ERBB4: variants seen among roughly 807,000 people sequenced by gnomAD.
The protein encoded by ERBB4 is receptor tyrosine-protein kinase erbB-4.
ERBB4 carries 42 observed loss-of-function variants against 158.0 expected under a neutral mutation model. That is an observed-to-expected ratio of 0.27 (90% CI 0.21 to 0.34). ERBB4 has a LOEUF of 0.34. ERBB4 is among the 10% of genes least tolerant of loss of function. The pLI is 1.00. For missense variants in ERBB4, 1,333 were observed against 1,624.1 expected, an observed-to-expected ratio of 0.82 and a Z score of 3.08; for synonymous variants, 583 against 558.7, an observed-to-expected ratio of 1.04 and a Z score of -0.61.
intron 12 of ERBB4, among the ~76,000 whole-genome samples, chr2:211,683,201 A>AAG (rs1400805537): frequency 1.3e-5 from 2 of 152,014 alleles, no homozygotes; most frequent in East Asian, 3.8e-4. Context: ...TTTATCTCAT[A>AAG]AGATCTTAAA....
intron 16 of ERBB4, among the ~76,000 whole-genome samples, chr2:211,642,059 T>C (rs575107590): frequency 5.3e-5 from 8 of 152,244 alleles, no homozygotes; most frequent in Non-Finnish European, 1.2e-4. Flanking sequence ...ATGCAATTCT[T>C]CCACTTGATG....
intron 20 of ERBB4, among the ~76,000 whole-genome samples, chr2:211,452,688 T>C (rs1379994043): frequency 6.6e-6 from 1 of 152,164 alleles, no homozygotes; most frequent in Non-Finnish European, 1.5e-5. Context: ...TATATAAATA[T>C]TACCAGATAA....
In ERBB4 at chr2:212,148,123, C is replaced by A. The variant is rs116079203; in HGVS notation, c.83-23220G>T. On this transcript the variant is annotated intron_variant, in intron 1 of 27. Coordinates refer to ENST00000342788, the MANE Select transcript of ERBB4 (RefSeq NM_005235.3). Reference sequence around the variant, plus strand: ...TATTCCATTCATCACCAGGGGGCAGCACAATTCCCAAAGAGTATTTTCTTT... The same window carrying A: ...TATTCCATTCATCACCAGGGGGCAGAACAATTCCCAAAGAGTATTTTCTTT... 3.6e-3 allele frequency among the ~76,000 whole-genome samples: 547 copies of A among 151,490 alleles called. 5 individuals carry two copies. Among genetic ancestry groups the A allele is most frequent in the Admixed American group, 0.014 (220 of 15,200 alleles).
chr2:212,406,858 TC>T (rs1201704582), intron 1 of ERBB4, among the ~76,000 whole-genome samples: 1 of 152,080 alleles, frequency 6.6e-6, no homozygotes, highest in African/African-American at 2.4e-5. Context: ...GTGACTCTCC[TC>T]TTCCTCTCCA....
chr2:211,639,548 C>A lies in ERBB4; in HGVS notation c.1947-8954G>T, dbSNP rs534224976. Among the ~76,000 whole-genome samples the A allele has an allele frequency of 1.6e-4, 24 of 152,316 alleles. No individual in the cohort carries two copies. The South Asian group carries it at 5.0e-3, about 32-fold the overall frequency. ...TAAAAAGTTTTCTTCGCCTTAAAATCTCCATTCATTCTATGCACTATAATT... is the reference window on the plus strand; with the variant it reads ...TAAAAAGTTTTCTTCGCCTTAAAATATCCATTCATTCTATGCACTATAATT... On this transcript the variant is annotated intron_variant, in intron 16 of 27. Transcript: ENST00000342788.
chr2:212,506,043 G>T (rs1221982977), intron 1 of ERBB4, among the ~76,000 whole-genome samples: 1 of 148,722 alleles, frequency 6.7e-6, no homozygotes, highest in Admixed American at 6.7e-5. Flanking sequence ...TGTTAATTCT[G>T]CATCTCTGGA....
At chr2:211,404,077 TA>T (rs1559133972) in intron 25 of ERBB4, among the ~76,000 whole-genome samples, 12 of 152,094 alleles carry the variant, frequency 7.9e-5, no homozygotes, top group Non-Finnish European at 1.6e-4. Context: ...GAAAAAGAAA[TA>T]AGTTACTTAT....
At chr2:212,382,502 GGTT>G (rs1233789837) in intron 1 of ERBB4, among the ~76,000 whole-genome samples, 8 of 150,374 alleles carry the variant, frequency 5.3e-5, no homozygotes. Context: ...TATAAGTTCA[GGTT>G]GTTTGTAAAT....
intron 1 of ERBB4, among the ~76,000 whole-genome samples, chr2:212,513,830 T>G (rs555790082): frequency 7.0e-4 from 106 of 152,066 alleles, no homozygotes; most frequent in African/African-American, 2.4e-3. Context: ...AATAAATAAA[T>G]AAATAAAAAG....
At chr2:211,524,702 A>C (rs1316124752) in intron 20 of ERBB4, among the ~76,000 whole-genome samples, 2 of 139,772 alleles carry the variant, frequency 1.4e-5, no homozygotes, top group South Asian at 2.2e-4. Flanking sequence ...GCCCACCCGG[A>C]ACTCCAGCTG....
intron 3 of ERBB4, among the ~76,000 whole-genome samples, chr2:211,842,477 T>C (rs2106004821): frequency 6.6e-6 from 1 of 151,820 alleles, no homozygotes; most frequent in East Asian, 1.9e-4. Flanking sequence ...TATTTTTGTA[T>C]GTGACTACAG....
chr2:211,934,062 T>C (rs1235464464), intron 3 of ERBB4, among the ~76,000 whole-genome samples: 1 of 152,054 alleles, frequency 6.6e-6, no homozygotes, highest in Non-Finnish European at 1.5e-5. Context: ...TCAATAATTT[T>C]AGAGTCTCCT....
At chr2:212,310,893 T>C (rs761410987) in intron 1 of ERBB4, among the ~76,000 whole-genome samples, 4 of 150,634 alleles carry the variant, frequency 2.7e-5, no homozygotes, top group Admixed American at 1.3e-4. Flanking sequence ...TTACATAATA[T>C]ATTTAATATA....
intron 20 of ERBB4, among the ~76,000 whole-genome samples, chr2:211,511,066 T>C (rs1302039489): frequency 6.6e-6 from 1 of 152,022 alleles, no homozygotes; most frequent in Non-Finnish European, 1.5e-5. Flanking sequence ...AGAATGCTTA[T>C]TGGAGTAGTT....
intron 2 of ERBB4, among the ~76,000 whole-genome samples, chr2:212,050,365 T>G (rs561649300): frequency 2.0e-5 from 3 of 152,156 alleles, no homozygotes; most frequent in Non-Finnish European, 4.4e-5. Context: ...CATTTTAGCT[T>G]TCTTTGTGAA....
chr2:211,755,922 A>G (rs1305614389), intron 4 of ERBB4, among the ~76,000 whole-genome samples: 2 of 152,258 alleles, frequency 1.3e-5, no homozygotes, highest in African/African-American at 4.8e-5. Flanking sequence ...AAGGCAACGC[A>G]GTTACATCCC....
chr2:211,900,740 C>T (rs1246130978), intron 3 of ERBB4, among the ~76,000 whole-genome samples: 3 of 152,100 alleles, frequency 2.0e-5, no homozygotes, highest in Non-Finnish European at 4.4e-5. Flanking sequence ...CTCCCCAAGA[C>T]TTGTCACATG....
At chr2:211,636,038 G>T (rs2070345973) in intron 16 of ERBB4, among the ~76,000 whole-genome samples, 1 of 151,772 alleles carries the variant, frequency 6.6e-6, no homozygotes. Flanking sequence ...AGGATTTGTT[G>T]CATCAGATGT....
At chr2:211,410,708 A>G (rs1218285027) in intron 25 of ERBB4, among the ~76,000 whole-genome samples, 1 of 152,174 alleles carries the variant, frequency 6.6e-6, no homozygotes, top group East Asian at 1.9e-4. Context: ...AAAGAAATTG[A>G]GAAAATAGTT....
Sources: gnomAD v4.1 joint callset for allele counts (sites outside exome capture counted in the v4.1 genomes callset) on GRCh38, gnomAD v4.1.1 for gene constraint, MANE v1.5 for transcripts, NCBI Gene and HGNC (gene_info 2026-07-23, HGNC 2026-07-21) for gene names.